The following VIM variants were observed in gnomAD, a reference collection of about 807,000 sequenced individuals.
VIM encodes epididymis secretory sperm binding protein.
A neutral mutation model predicts 50.3 loss-of-function variants in VIM; 18 were observed. That is an observed-to-expected ratio of 0.36 (90% CI 0.25 to 0.53). The LOEUF (loss-of-function observed/expected upper bound fraction) is 0.53. VIM is among the 20% of genes least tolerant of loss of function. VIM has a pLI of 0.91. For missense variants in VIM, 551 were observed against 614.7 expected (o/e 0.90, Z 1.10); for synonymous variants, 245 against 248.5 (o/e 0.99, Z 0.13).
chr10:17,236,280 G>C lies in VIM; in HGVS notation c.1274-14G>C. ...ACTCGTTTTTACTCATTTTTGGCCT[G>C]TTTGTTTATTTAGAAACTAATCTGG... On this transcript the variant is annotated splice_polypyrimidine_tract_variant and intron_variant, in intron 8 of 9. Transcript: ENST00000544301. The C allele has an allele frequency of 6.2e-7, 1 of 1,603,696 alleles. No individual in the cohort carries two copies.
Position 17,235,274 on chromosome 10 carries a change from A to G in VIM, c.1114A>G (p.Met372Val). Residue 372 changes from methionine to valine, a missense_variant, in exon 7 of 10, where the codon ATG becomes GTG. By Grantham distance (21) the Met-to-Val change is conservative. Coordinates refer to ENST00000544301, the MANE Select transcript of VIM (RefSeq NM_003380.5). ...IGRLQDEIQN[M>V]KEEMARHLRE... ...CCGCCTGCAGGATGAGATTCAGAAT[A>G]TGAAGGAGGAAATGGCTCGTCACCT... 2 of 1,614,210 alleles carry G rather than the reference A, an allele frequency of 1.2e-6. No homozygotes were observed. Among genetic ancestry groups the G allele is most frequent in the East Asian group, 4.5e-5 (2 of 44,874 alleles).
chr10:17,231,102 A>AGTTTTGCAACCAGT, intron 3 of VIM: 1 of 172,256 alleles, frequency 5.8e-6, no homozygotes, highest in Non-Finnish European at 1.3e-5. Context: ...TTTGCAACAC[A>AGTTTTGCAACCAGT]TTGACCTTCT....
At chr10:17,231,204 A>T (rs1026024020) in intron 3 of VIM, 1 of 153,932 alleles carries the variant, frequency 6.5e-6, no homozygotes, top group Non-Finnish European at 1.4e-5. Flanking sequence ...TATGCCCTGC[A>T]GTTTAAAATG....
chr10:17,230,690 A>G lies in VIM; in HGVS notation c.604A>G (p.Thr202Ala). The G allele has an allele frequency of 4.3e-6, 7 of 1,613,930 alleles. No individual in the cohort carries two copies. The highest frequency in any genetic ancestry group is 5.9e-6 in the Non-Finnish European group (7 of 1,179,984). ...GCTTCAGAGAGAGGAAGCCGAAAACACCCTGCAATCTTTCAGACAGGTTTG... is the reference window on the plus strand; with the variant it reads ...GCTTCAGAGAGAGGAAGCCGAAAACGCCCTGCAATCTTTCAGACAGGTTTG... ...EMLQREEAEN[T>A]LQSFRQDVDN... is the part of the protein sequence containing the mutation. The change falls in exon 3 of 10, where the codon ACC becomes GCC. Residue 202 changes from threonine to alanine, a missense_variant. Around this residue, in one of 3 missense-constraint regions of VIM, gnomAD observed 394 missense variants for 437.5 expected, o/e 0.90. Transcript: ENST00000544301.
rs1588731145 is a variant in VIM at position 17,229,325 on chromosome 10, C to T, written c.-98C>T. ...TCCCCGCGCCAGAGACGCAGCCGCG[C>T]TCCCACCACCCACACCCACCGCGCC... On this transcript the variant is annotated 5_prime_UTR_variant, in exon 2 of 10. Transcript: ENST00000544301. The T allele has an allele frequency of 6.2e-6, 8 of 1,300,122 alleles. No homozygotes were observed. In the East Asian group the frequency reaches 2.0e-4, roughly 33 times the overall value. 80.5% of individuals were successfully genotyped at this position (1,300,122 alleles called of 1,614,324 possible).
At chr10:17,229,144 A>ACCAC in intron 1 of VIM, 132 bp from the exon 2 acceptor site, 1 of 176,160 alleles carries the variant, frequency 5.7e-6, no homozygotes, top group South Asian at 6.2e-5. Flanking sequence ...GGGCGCCCCC[A>ACCAC]CCCCACCCGC....
chr10:17,230,483 C>T, intron 2 of VIM, 167 bp from the exon 3 acceptor site: 2 of 830,220 alleles, frequency 2.4e-6, no homozygotes, highest in Admixed American at 1.8e-5. Context: ...GCCCGAAGTC[C>T]CGCTGAAACC....
intron 5 of VIM, 100 bp from the exon 6 acceptor site, chr10:17,234,593 T>C: frequency 6.4e-7 from 1 of 1,562,532 alleles, no homozygotes; most frequent in Non-Finnish European, 8.7e-7. Flanking sequence ...AATTTAAACC[T>C]ATACTGGAAG....
At chr10:17,230,598 C>G (rs762996660) in intron 2 of VIM, 52 bp from the exon 3 acceptor site, 82 of 1,607,128 alleles carry the variant, frequency 5.1e-5, no homozygotes, top group Non-Finnish European at 6.6e-5. Context: ...TGTGGCCGCC[C>G]CGCCCCTGGC....
chr10:17,231,590 T>C (rs565472698), intron 3 of VIM, among the ~76,000 whole-genome samples: 2 of 152,340 alleles, frequency 1.3e-5, no homozygotes, highest in South Asian at 4.1e-4. Flanking sequence ...TTATCTAATA[T>C]CTGGCCCAGA....
Position 17,233,911 on chromosome 10 carries a change from G to A in VIM, c.862G>A (p.Glu288Lys), listed in dbSNP as rs776031097. 6.2e-7 allele frequency: 1 copy of A among 1,613,918 alleles called. No homozygotes were observed. Among genetic ancestry groups the A allele is most frequent in the East Asian group, 2.2e-5 (1 of 44,882 alleles). ...SVAAKNLQEA[E>K]EWYKSKFADL... ...GGCTGCCAAGAACCTGCAGGAGGCA[G>A]AAGAATGGTACAAATCCAAGGTAGG... Residue 288 changes from glutamate to lysine, a missense_variant, in exon 5 of 10, where the codon GAA becomes AAA. By Grantham distance (56) the Glu-to-Lys change is moderately conservative. Transcript: ENST00000544301.
At chr10:17,230,768 G>C in intron 3 of VIM, 58 bp downstream of exon 3, 1 of 1,605,118 alleles carries the variant, frequency 6.2e-7, no homozygotes, top group South Asian at 1.1e-5. Flanking sequence ...CAACCCACGA[G>C]CAATTCTAAA....
intron 2 of VIM, 127 bp downstream of exon 2, chr10:17,230,112 A>G (rs934447877): frequency 1.9e-5 from 23 of 1,209,306 alleles, no homozygotes; most frequent in Non-Finnish European, 2.5e-5. Flanking sequence ...CCTGCCAGGG[A>G]GACAGCGGAG....
At chr10:17,235,120 C>G in intron 6 of VIM, 49 bp from the exon 7 acceptor site, 1 of 1,602,304 alleles carries the variant, frequency 6.2e-7, no homozygotes, top group Non-Finnish European at 8.5e-7. Context: ...CTGGGAACAG[C>G]TGGGTTTTTC....
rs1442903146 is a variant in VIM at position 17,229,895 on chromosome 10, G to A, written c.473G>A (p.Arg158His). The A allele has an allele frequency of 6.2e-7, 1 of 1,612,004 alleles. No homozygotes were observed. Among genetic ancestry groups the A allele is most frequent in the South Asian group, 1.1e-5 (1 of 90,660 alleles). Residue 158 changes from arginine to histidine, a missense_variant, in exon 2 of 10, where the codon CGC (arginine) becomes CAC (histidine). Coordinates refer to ENST00000544301, the MANE Select transcript of VIM (RefSeq NM_003380.5). ...DLYEEEMREL[R>H]RQVDQLTNDK... ...TACGAGGAGGAGATGCGGGAGCTGCGCCGGCAGGTGGACCAGCTAACCAAC... is the reference window on the plus strand; with the variant it reads ...TACGAGGAGGAGATGCGGGAGCTGCACCGGCAGGTGGACCAGCTAACCAAC...
intron 3 of VIM, 162 bp from the exon 4 acceptor site, chr10:17,233,425 A>T (rs936921070): frequency 1.3e-5 from 9 of 676,076 alleles, no homozygotes; most frequent in Non-Finnish European, 2.4e-5. Flanking sequence ...AGCATATTAT[A>T]GCACTGAATG....
Sources: gnomAD v4.1 joint callset for allele counts (sites outside exome capture counted in the v4.1 genomes callset) on GRCh38, gnomAD v4.1.1 for gene constraint, gnomAD v4.1.1 regional missense constraint, MANE v1.5 for transcripts, NCBI Gene and HGNC (gene_info 2026-07-23, HGNC 2026-07-21) for gene names.